The following NHSL1 variants were observed in gnomAD, a reference collection of about 807,000 sequenced individuals.
NHSL1 encodes NHS like 1.
A neutral mutation model predicts 95.0 loss-of-function variants in NHSL1; 48 were observed. The ratio of observed to expected loss-of-function variants is 0.51; its 90% CI spans 0.40 to 0.64. The LOEUF (loss-of-function observed/expected upper bound fraction) is 0.64. Among genes scored for constraint, NHSL1 ranks in the 30% least tolerant of loss-of-function variants. The probability of loss-of-function intolerance (pLI) is 0.00; values close to 1 mark genes in which losing one functional copy is unlikely to be tolerated. For synonymous variants in NHSL1, 783 were observed against 833.9 expected (o/e 0.94, Z 1.05); for missense variants, 1,971 against 2,077.7 (o/e 0.95, Z 1.00).
chr6:138,492,580 T>G (rs1780140456), intron 2 of NHSL1, among the ~76,000 whole-genome samples: 1 of 152,242 alleles, frequency 6.6e-6, no homozygotes, highest in Non-Finnish European at 1.5e-5. Flanking sequence ...CATTTTCCAG[T>G]AATTCTGTGG....
chr6:138,591,214 T>C (rs1169303276), intron 1 of NHSL1, among the ~76,000 whole-genome samples: 1 of 152,204 alleles, frequency 6.6e-6, no homozygotes, highest in Non-Finnish European at 1.5e-5. Context: ...GGGGAAACAC[T>C]GGTGCTAAAT....
At chr6:138,502,961 G>T (rs1780766291), upstream of NHSL1, among the ~76,000 whole-genome samples, 1 of 152,186 alleles carries the variant, frequency 6.6e-6, no homozygotes. Flanking sequence ...AAGGGAATCA[G>T]TGTAGCAGAC....
At chr6:138,463,214 C>T (rs1778109814) in intron 3 of NHSL1, among the ~76,000 whole-genome samples, 1 of 152,162 alleles carries the variant, frequency 6.6e-6, no homozygotes, top group South Asian at 2.1e-4. Context: ...TTCTGTCTTC[C>T]ACTCTCTATG....
At chr6:138,455,913 A>G (rs1348680993) in intron 3 of NHSL1, among the ~76,000 whole-genome samples, 3 of 152,226 alleles carry the variant, frequency 2.0e-5, no homozygotes, top group Non-Finnish European at 4.4e-5. Flanking sequence ...GAGAGTGGCC[A>G]AATTTTTATA....
chr6:138,690,921 G>C (rs1785657749), intron 1 of NHSL1, among the ~76,000 whole-genome samples: 2 of 152,172 alleles, frequency 1.3e-5, no homozygotes, highest in African/African-American at 4.8e-5. Context: ...AACCAAACTA[G>C]TAAAGGAAGG....
At chr6:138,487,948 G>A (rs1158983503) in intron 2 of NHSL1, among the ~76,000 whole-genome samples, 1 of 152,158 alleles carries the variant, frequency 6.6e-6, no homozygotes, top group Non-Finnish European at 1.5e-5. Context: ...ATTTAAAATT[G>A]TATAAATGAA....
intron 3 of NHSL1, among the ~76,000 whole-genome samples, chr6:138,456,206 C>T (rs1052181714): frequency 1.4e-4 from 21 of 152,078 alleles, no homozygotes; most frequent in Admixed American, 1.2e-3. Flanking sequence ...CTAAGCAAAC[C>T]GGAACATGTG....
At chr6:138,427,576 C>A (rs898448514) in intron 7 of NHSL1, among the ~76,000 whole-genome samples, 2 of 152,058 alleles carry the variant, frequency 1.3e-5, no homozygotes, top group Admixed American at 6.5e-5. Flanking sequence ...AACACACACA[C>A]ACGAATATGT....
At chr6:138,588,743 G>A (rs964849168) in intron 1 of NHSL1, among the ~76,000 whole-genome samples, 2 of 152,210 alleles carry the variant, frequency 1.3e-5, no homozygotes, top group African/African-American at 4.8e-5. Flanking sequence ...GAAAGCTCTA[G>A]AGAAGAGGAA....
chr6:138,506,022 A>G (rs1339047661), intron 1 of NHSL1, among the ~76,000 whole-genome samples: 2 of 152,218 alleles, frequency 1.3e-5, no homozygotes, highest in Non-Finnish European at 2.9e-5. Context: ...ACACCCATTC[A>G]TTCTTATGCT....
intron 1 of NHSL1, among the ~76,000 whole-genome samples, chr6:138,603,872 A>G (rs1311715735): frequency 6.6e-6 from 1 of 152,224 alleles, no homozygotes; most frequent in African/African-American, 2.4e-5. Context: ...TATAAAAGAG[A>G]GAATGTGTAA....
At chr6:138,514,529 G>A (rs574961945) in intron 1 of NHSL1, among the ~76,000 whole-genome samples, 3 of 152,114 alleles carry the variant, frequency 2.0e-5, no homozygotes, top group Non-Finnish European at 4.4e-5. Flanking sequence ...GGCACAGTAA[G>A]AGATTAACAA....
intron 1 of NHSL1, among the ~76,000 whole-genome samples, chr6:138,633,702 A>G (rs1784852127): frequency 6.6e-6 from 1 of 152,238 alleles, no homozygotes; most frequent in Admixed American, 6.5e-5. Context: ...ATCAGAAGGA[A>G]AAGGAAGTTA....
chr6:138,468,869 C>T (rs1778565624), intron 3 of NHSL1, among the ~76,000 whole-genome samples: 3 of 152,228 alleles, frequency 2.0e-5, no homozygotes, highest in South Asian at 4.1e-4. Flanking sequence ...CTTAGTGCCT[C>T]CCCGTGAAAT....
chr6:138,605,351 G>A lies in NHSL1; in HGVS notation c.96+87125C>T, dbSNP rs568458252. On this transcript the variant is annotated intron_variant, in intron 1 of 3. Coordinates refer to the NHSL1 transcript ENST00000491526. ...AGCAATCCTCCCACCTCAGCCTCCC[G>A]GGTGGCCAGGACAACAGGCGTGCGC... is the stretch of plus-strand genomic sequence containing the variant. 5.9e-5 allele frequency among the ~76,000 whole-genome samples: 9 copies of A among 152,250 alleles called. No individual in the cohort carries two copies. The South Asian group carries it at 1.2e-3, about 21-fold the overall frequency.
At chr6:138,571,985 G>C (rs1453617866) in exon 1 of NHSL1, 1 of 1,272,840 alleles carries the variant, frequency 7.9e-7, no homozygotes, top group Non-Finnish European at 1.1e-6. Context: ...GTTGGCCCAG[G>C]TCCTCTCCAC....
At chr6:138,676,636 T>C (rs1446887805) in intron 1 of NHSL1, among the ~76,000 whole-genome samples, 1 of 152,166 alleles carries the variant, frequency 6.6e-6, no homozygotes, top group Middle Eastern at 3.2e-3. Flanking sequence ...CATGTTCTAA[T>C]GCCTCCACTT....
At chr6:138,480,206 C>T (rs1779330692) in intron 2 of NHSL1, among the ~76,000 whole-genome samples, 1 of 152,170 alleles carries the variant, frequency 6.6e-6, no homozygotes, top group Non-Finnish European at 1.5e-5. Context: ...ATACTAAACT[C>T]CTGCAAATCG....
chr6:138,579,687 T>C (rs1784023930), intron 1 of NHSL1, among the ~76,000 whole-genome samples: 1 of 152,254 alleles, frequency 6.6e-6, no homozygotes. Context: ...GGCTGGGATC[T>C]GCTGGGTTCT....
Sources: allele counts gnomAD v4.1 joint callset (sites outside exome capture counted in the v4.1 genomes callset), GRCh38; gene constraint gnomAD v4.1.1; transcripts MANE v1.5; gene names NCBI Gene and HGNC (gene_info 2026-07-23, HGNC 2026-07-21).